The following STK33 variants were observed in gnomAD, a reference collection of about 807,000 sequenced individuals.
STK33 encodes the protein serine/threonine kinase 33.
A neutral mutation model predicts 58.0 loss-of-function variants in STK33; 52 were observed. The ratio of observed to expected loss-of-function variants is 0.90; its 90% CI spans 0.72 to 1.13. The LOEUF (loss-of-function observed/expected upper bound fraction) is 1.13. STK33 is among the 50% of genes most tolerant of loss of function. The pLI, the probability that STK33 is intolerant of heterozygous loss-of-function variation, is 0.00. For synonymous variants in STK33, 215 were observed against 200.1 expected (o/e 1.07, Z -0.63); for missense variants, 630 against 604.2 (o/e 1.04, Z -0.45).
chr11:8,549,548 T>G (rs1591745310), intron 1 of STK33, among the ~76,000 whole-genome samples: 1 of 152,172 alleles, frequency 6.6e-6, no homozygotes, highest in South Asian at 2.1e-4. Context: ...CTGAAATAGT[T>G]TGAATACAAA....
At chr11:8,477,097 A>G (rs2138013570) in intron 3 of STK33, among the ~76,000 whole-genome samples, 153 bp downstream of exon 3, 1 of 151,914 alleles carries the variant, frequency 6.6e-6, no homozygotes, top group Middle Eastern at 3.4e-3. Context: ...TGCCCTCCAG[A>G]CAGGCAGAGG....
At chr11:8,341,143 C>T in the STK33 span, among the ~76,000 whole-genome samples, 1 of 152,248 alleles carries the variant, frequency 6.6e-6, no homozygotes, top group African/African-American at 2.4e-5. Flanking sequence ...AGGCGTGAGC[C>T]ACTGCACCCA....
chr11:8,422,963 C>G (rs78209313), intron 14 of STK33, among the ~76,000 whole-genome samples: 1 of 150,764 alleles, frequency 6.6e-6, no homozygotes, highest in East Asian at 2.0e-4. Context: ...GTAGCTGGGA[C>G]TACTACTAAA....
At chr11:8,402,595 C>T (rs1938282120) in intron 15 of STK33, among the ~76,000 whole-genome samples, 1 of 150,838 alleles carries the variant, frequency 6.6e-6, no homozygotes, top group African/African-American at 2.5e-5. Context: ...TGCACATGTA[C>T]CCTAAAACTT....
the STK33 span, among the ~76,000 whole-genome samples, chr11:8,351,293 C>G: frequency 6.6e-6 from 1 of 152,208 alleles, no homozygotes; most frequent in Non-Finnish European, 1.5e-5. Context: ...AAACCATAAA[C>G]CTTACCCACC....
chr11:8,582,027 T>C (rs888212200), intron 1 of STK33, among the ~76,000 whole-genome samples: 2 of 152,218 alleles, frequency 1.3e-5, no homozygotes, highest in African/African-American at 2.4e-5. Context: ...TGCTCCCACT[T>C]CCTATTCTTA....
In STK33 at chr11:8,474,907, T is replaced by G. The variant is rs772181397; in HGVS notation, c.-2A>C. 1 of 1,565,724 alleles carries G rather than the reference T, an allele frequency of 6.4e-7. No individual in the cohort carries two copies. The highest frequency in any genetic ancestry group is 8.6e-7 in the Non-Finnish European group (1 of 1,158,708). ...TTTATCTAAGCCACTATCAGCCATTTGTTTAACTCTGCAACAAAAGCAACT... is the reference window on the plus strand; with the variant it reads ...TTTATCTAAGCCACTATCAGCCATTGGTTTAACTCTGCAACAAAAGCAACT... On this transcript the variant is annotated 5_prime_UTR_variant, in exon 5 of 16. Coordinates refer to ENST00000687296, the MANE Select transcript of STK33 (RefSeq NM_001352389.2).
At chr11:8,516,432 G>T (rs555324339) in intron 1 of STK33, among the ~76,000 whole-genome samples, 1 of 152,180 alleles carries the variant, frequency 6.6e-6, no homozygotes, top group African/African-American at 2.4e-5. Context: ...CAGCGTGAGC[G>T]ACAAAGAAGA....
chr11:8,526,908 C>T, intron 1 of STK33, among the ~76,000 whole-genome samples: 1 of 143,038 alleles, frequency 7.0e-6, no homozygotes, highest in East Asian at 2.0e-4. Context: ...AAACTAGAGA[C>T]ACATACCTAG....
intron 1 of STK33, among the ~76,000 whole-genome samples, chr11:8,549,902 A>G (rs989136862): frequency 6.6e-6 from 1 of 152,106 alleles, no homozygotes; most frequent in Non-Finnish European, 1.5e-5. Context: ...TGATTTTCAT[A>G]TTTAAAAAAA....
chr11:8,520,310 C>A (rs1462449627), intron 1 of STK33, among the ~76,000 whole-genome samples: 1 of 152,176 alleles, frequency 6.6e-6, no homozygotes, highest in Non-Finnish European at 1.5e-5. Context: ...ATGCTAAAAA[C>A]TCTCAATAAA....
At chr11:8,506,957 A>T (rs1382241024) in intron 1 of STK33, among the ~76,000 whole-genome samples, 1 of 152,216 alleles carries the variant, frequency 6.6e-6, no homozygotes, top group African/African-American at 2.4e-5. Flanking sequence ...CCTATACAGT[A>T]GATTATACTT....
At chr11:8,348,776 G>A in the STK33 span, among the ~76,000 whole-genome samples, 11,126 of 152,150 alleles carry the variant, frequency 0.073, 448 homozygotes, top group African/African-American at 0.094. Context: ...AAGTCTGCAC[G>A]TTGAGTCTGC....
intron 1 of STK33, among the ~76,000 whole-genome samples, chr11:8,509,441 C>A (rs1035614014): frequency 1.3e-5 from 2 of 152,140 alleles, no homozygotes; most frequent in African/African-American, 4.8e-5. Flanking sequence ...ACTTATTAAA[C>A]GTTTTCCAGC....
At chr11:8,535,373 G>A (rs953586457) in intron 1 of STK33, among the ~76,000 whole-genome samples, 1 of 151,862 alleles carries the variant, frequency 6.6e-6, no homozygotes, top group African/African-American at 2.4e-5. Flanking sequence ...AATATACAAG[G>A]AACTCAAACA....
the STK33 span, among the ~76,000 whole-genome samples, chr11:8,365,212 A>T: frequency 6.6e-6 from 1 of 152,170 alleles, no homozygotes; most frequent in South Asian, 2.1e-4. Flanking sequence ...CTTGAGGTGC[A>T]GTTGCTCCCC....
intron 15 of STK33, among the ~76,000 whole-genome samples, chr11:8,408,950 G>A (rs962029761): frequency 3.9e-5 from 6 of 152,186 alleles, no homozygotes; most frequent in Admixed American, 2.0e-4. Context: ...CCATGGTCAC[G>A]TAGGCAGCCT....
At chr11:8,503,281 A>T (rs375374533) in intron 1 of STK33, among the ~76,000 whole-genome samples, 1 of 152,180 alleles carries the variant, frequency 6.6e-6, no homozygotes, top group African/African-American at 2.4e-5. Context: ...GGAATACTAC[A>T]CAGCCATAAA....
the STK33 span, among the ~76,000 whole-genome samples, chr11:8,366,588 T>C: frequency 6.6e-6 from 1 of 152,146 alleles, no homozygotes; most frequent in Admixed American, 6.5e-5. Flanking sequence ...TGGGTTCCCT[T>C]TCCCCTCTGT....
Sources: allele counts gnomAD v4.1 joint callset (sites outside exome capture counted in the v4.1 genomes callset), GRCh38; gene constraint gnomAD v4.1.1; transcripts MANE v1.5; gene names NCBI Gene and HGNC (gene_info 2026-07-23, HGNC 2026-07-21).